Variants in FBXW7 observed in about 807,000 individuals in gnomAD.
The protein encoded by FBXW7 is F-box and WD repeat domain containing 7.
Under a neutral mutation model 86.3 loss-of-function variants are expected in FBXW7, and 11 were observed. That is an observed-to-expected ratio of 0.13 (90% CI 0.08 to 0.21). The LOEUF (loss-of-function observed/expected upper bound fraction) is 0.21. Among genes scored for constraint, FBXW7 ranks in the 10% least tolerant of loss-of-function variants. The probability of loss-of-function intolerance (pLI) is 1.00; values close to 1 mark genes in which losing one functional copy is unlikely to be tolerated. For missense variants in FBXW7, 488 were observed against 847.4 expected (o/e 0.58, Z 5.27); for synonymous variants, 313 against 297.9 (o/e 1.05, Z -0.52).
At chr4:152,503,430 C>T (rs749602074) in intron 2 of FBXW7, among the ~76,000 whole-genome samples, 6 of 152,020 alleles carry the variant, frequency 3.9e-5, no homozygotes, top group South Asian at 4.1e-4. Context: ...CCACCACGCC[C>T]GGCTAATTTT....
chr4:152,479,399 A>C, intron 2 of FBXW7, among the ~76,000 whole-genome samples: 1 of 152,150 alleles, frequency 6.6e-6, no homozygotes. Context: ...AGAGCAATCC[A>C]AGGGCAAATG....
chr4:152,386,656 C>CTGTA (rs1162208392), intron 4 of FBXW7, among the ~76,000 whole-genome samples: 1 of 152,046 alleles, frequency 6.6e-6, no homozygotes, highest in African/African-American at 2.4e-5. Context: ...AAATATGAAG[C>CTGTA]TGTAGTATCT....
chr4:152,412,566 C>T (rs1226113309), intron 2 of FBXW7, 37 bp from the exon 3 acceptor site: 1 of 151,610 alleles, frequency 6.6e-6, no homozygotes, highest in Non-Finnish European at 1.5e-5. Context: ...AGAGGATGCT[C>T]ACTGCAGTTT....
intron 2 of FBXW7, among the ~76,000 whole-genome samples, chr4:152,441,252 G>A (rs1443166638): frequency 2.0e-5 from 3 of 151,814 alleles, no homozygotes; most frequent in Admixed American, 6.6e-5. Context: ...CTTCTTTGTC[G>A]CCTGTCTCTG....
rs1208928790 is a variant in FBXW7 at position 152,321,207 on chromosome 4, C to T, written c.*1674G>A. 4.5e-6 allele frequency: 1 copy of T among 221,622 alleles called. No homozygotes were observed. Among genetic ancestry groups the T allele is most frequent in the Non-Finnish European group, 9.0e-6 (1 of 110,984 alleles). 13.7% of individuals were successfully genotyped at this position (221,622 alleles called of 1,614,324 possible). On this transcript the variant is annotated 3_prime_UTR_variant, in exon 14 of 14. Coordinates refer to ENST00000281708, the MANE Select transcript of FBXW7 (RefSeq NM_001349798.2). Reference sequence around the variant, plus strand: ...CTTATTTAAATATTATAGACAAATCCTAAATACTTATAATGAAGGATTATT... The same window carrying T: ...CTTATTTAAATATTATAGACAAATCTTAAATACTTATAATGAAGGATTATT...
At chr4:152,387,703 C>T (rs2126798650) in intron 4 of FBXW7, among the ~76,000 whole-genome samples, 1 of 117,328 alleles carries the variant, frequency 8.5e-6, no homozygotes, top group Admixed American at 1.1e-4. Flanking sequence ...AAAAACATGG[C>T]ATACCTTTTT....
At chr4:152,335,976 T>G (rs140432794) in intron 7 of FBXW7, among the ~76,000 whole-genome samples, 1 of 152,130 alleles carries the variant, frequency 6.6e-6, no homozygotes, top group Admixed American at 6.6e-5. Flanking sequence ...GTAAATAGTT[T>G]TGAGATATGG....
intron 4 of FBXW7, chr4:152,411,028 G>A (rs919494810): frequency 5.7e-5 from 23 of 401,828 alleles, no homozygotes; most frequent in African/African-American, 3.3e-4. Flanking sequence ...ATCCCTGCCC[G>A]GGACGCAAGG....
chr4:152,489,280 G>C (rs953687933), intron 2 of FBXW7: 1 of 154,546 alleles, frequency 6.5e-6, no homozygotes, highest in African/African-American at 2.4e-5. Context: ...TAATTAAAAG[G>C]CTATAAGAAG....
At chr4:152,432,117 T>G (rs1739948132) in intron 2 of FBXW7, among the ~76,000 whole-genome samples, 1 of 152,248 alleles carries the variant, frequency 6.6e-6, no homozygotes, top group South Asian at 2.1e-4. Context: ...GGTCCTATCA[T>G]ATTCTTCGGT....
chr4:152,482,684 G>A (rs1744988190), intron 2 of FBXW7, among the ~76,000 whole-genome samples: 1 of 152,274 alleles, frequency 6.6e-6, no homozygotes, highest in African/African-American at 2.4e-5. Context: ...CTGGTAGACA[G>A]AACAGGGTGG....
chr4:152,501,249 T>C (rs1746920877), intron 2 of FBXW7, among the ~76,000 whole-genome samples: 1 of 152,234 alleles, frequency 6.6e-6, no homozygotes, highest in Admixed American at 6.5e-5. Context: ...GAATGCACTT[T>C]GGAAACCATC....
At chr4:152,466,937 G>C (rs927753668) in intron 2 of FBXW7, among the ~76,000 whole-genome samples, 2 of 151,382 alleles carry the variant, frequency 1.3e-5, no homozygotes, top group African/African-American at 4.8e-5. Context: ...GCGAGATTCC[G>C]TCTCAAAATA....
chr4:152,457,110 T>C (rs1742483432), intron 2 of FBXW7, among the ~76,000 whole-genome samples: 1 of 152,058 alleles, frequency 6.6e-6, no homozygotes, highest in Admixed American at 6.5e-5. Context: ...TGAGCTAGGG[T>C]TGAAAGAAGT....
chr4:152,355,477 T>TA (rs1732282681), intron 4 of FBXW7, among the ~76,000 whole-genome samples: 1 of 152,148 alleles, frequency 6.6e-6, no homozygotes, highest in Non-Finnish European at 1.5e-5. Flanking sequence ...ATAGCTAAGT[T>TA]AGTCAACCAA....
At position 152,535,529 on chromosome 4, in the gene FBXW7, C is replaced by T. The variant is rs1039215805; in HGVS notation, c.-615G>A. ...TGGTTGCCGAGCTTGGTTGGGGCCC[C>T]GGTTCATACACTCCGGGGCAAGATG... is the stretch of plus-strand genomic sequence containing the variant. On this transcript the variant is annotated 5_prime_UTR_variant, in exon 1 of 14. Transcript: ENST00000281708. The T allele has an allele frequency of 5.1e-6, 2 of 395,688 alleles. No homozygotes were observed. The highest frequency in any genetic ancestry group is 8.9e-6 in the Non-Finnish European group (2 of 224,296). The allele number at this position is 395,688 out of a possible 1,614,324, so 24.5% of individuals were successfully genotyped here.
At chr4:152,438,209 G>T (rs1366331237) in intron 2 of FBXW7, among the ~76,000 whole-genome samples, 3 of 152,102 alleles carry the variant, frequency 2.0e-5, no homozygotes, top group African/African-American at 7.2e-5. Context: ...TTTAGTTAAG[G>T]TATGCACACT....
chr4:152,421,937 GATAACC>G (rs1042569381), intron 2 of FBXW7, among the ~76,000 whole-genome samples: 1 of 152,112 alleles, frequency 6.6e-6, no homozygotes, highest in African/African-American at 2.4e-5. Context: ...GCTGATCATA[GATAACC>G]ATAATAGGTA....
rs1248844590 is a variant in FBXW7 at position 152,332,678 on chromosome 4, C to A, written c.903G>T (p.Leu301=). ...AGCGACATGTCTGAGCTGCTTGTAG[C>A]AGGTCTTTGGGTTCCAGGAATGAAA... ...YVLSFLEPKD[L]LQAAQTCRYW... The change falls in exon 8 of 14, where the codon CTG becomes CTT. Residue 301 remains leucine, a synonymous_variant. Coordinates refer to ENST00000281708, the MANE Select transcript of FBXW7 (RefSeq NM_001349798.2). 6.2e-7 allele frequency: 1 copy of A among 1,601,670 alleles called. No homozygotes were observed. The highest frequency in any genetic ancestry group is 8.5e-7 in the Non-Finnish European group (1 of 1,172,304).
Sources: gnomAD v4.1 joint callset for allele counts (sites outside exome capture counted in the v4.1 genomes callset) on GRCh38, gnomAD v4.1.1 for gene constraint, MANE v1.5 for transcripts, NCBI Gene and HGNC (gene_info 2026-07-23, HGNC 2026-07-21) for gene names.